HMX1: variants seen among roughly 807,000 people sequenced by gnomAD.
The protein encoded by HMX1 is homeobox protein HMX1.
HMX1 carries 8 observed loss-of-function variants against 8.9 expected under a neutral mutation model. The ratio of observed to expected loss-of-function variants is 0.90; its 90% CI spans 0.53 to 1.63. The LOEUF is 1.63. Among genes scored for constraint, HMX1 ranks in the 40% most tolerant of loss-of-function variants. HMX1 has a pLI of 0.00. For synonymous variants in HMX1, 311 were observed against 283.4 expected (o/e 1.10, Z -0.98); for missense variants, 621 against 558.5 (o/e 1.11, Z -1.13).
At chr4:8,859,481 G>T (rs1721724427) in intron 1 of HMX1, among the ~76,000 whole-genome samples, 1 of 152,126 alleles carries the variant, frequency 6.6e-6, no homozygotes, top group Non-Finnish European at 1.5e-5. Flanking sequence ...GGTGCAGCCT[G>T]GGGGCACAAG....
Position 8,871,812 on chromosome 4 carries a change from G to C in HMX1, c.-198C>G, listed in dbSNP as rs1722237776. The C allele has an allele frequency of 9.5e-6, 6 of 634,214 alleles. No individual in the cohort carries two copies. The highest frequency in any genetic ancestry group is 1.2e-5 in the Non-Finnish European group (6 of 508,386). The allele number at this position is 634,214 out of a possible 1,614,324, so 39.3% of individuals were successfully genotyped here. ...CGGGAGCGAGTGCGCGCCGACAGCT[G>C]ATCGGGCAGCCGCCTGGCTCGCCTT... On this transcript the variant is annotated 5_prime_UTR_variant, in exon 1 of 2. In the 5' UTR this introduces an upstream ATG that the reference lacks. Transcript: ENST00000400677. The surrounding 1 kb of genome is among the most constrained non-coding windows in gnomAD (Gnocchi z 4.8).
chr4:8,861,712 G>T (rs1044472282), intron 1 of HMX1, among the ~76,000 whole-genome samples: 12 of 151,300 alleles, frequency 7.9e-5, no homozygotes, highest in African/African-American at 2.7e-4. Flanking sequence ...CTGGGGCGCC[G>T]TCGTTCCAGG....
Position 8,868,284 on chromosome 4 carries a change from C to G in HMX1, c.456G>C (p.Pro152=), listed in dbSNP as rs868328464. 1 of 1,440,660 alleles carries G rather than the reference C, an allele frequency of 6.9e-7. No individual in the cohort carries two copies. Among genetic ancestry groups the G allele is most frequent in the East Asian group, 3.0e-5 (1 of 33,010 alleles). The allele number at this position is 1,440,660 out of a possible 1,614,324, so 89.2% of individuals were successfully genotyped here. A position where few individuals can be genotyped will look rare whatever the true frequency, so the allele number is the denominator to read the frequency against. The stretch of plus-strand genomic sequence containing the variant: ...GCACCGCTCCCGGCCCGGGGCCTCG[C>G]GGCCAGGCGCCCTCCGCACGGCCCA... ...EEMGRAEGAW[P]RGPGPGAVQR... is the part of the protein sequence containing the mutation. Residue 152 remains proline, a synonymous_variant, in exon 2 of 2, where the codon CCG becomes CCC. Coordinates refer to ENST00000400677, the MANE Select transcript of HMX1 (RefSeq NM_018942.3). The surrounding 1 kb of genome is among the most constrained non-coding windows in gnomAD (Gnocchi z 4.6).
chr4:8,861,555 G>C (rs1257252062), intron 1 of HMX1, among the ~76,000 whole-genome samples: 1 of 152,220 alleles, frequency 6.6e-6, no homozygotes, highest in Non-Finnish European at 1.5e-5. Context: ...GGGACGAGCA[G>C]AGGAGCATCG....
chr4:8,858,224 C>T (rs532172595), intron 1 of HMX1, among the ~76,000 whole-genome samples: 4 of 152,206 alleles, frequency 2.6e-5, no homozygotes, highest in South Asian at 2.1e-4. Context: ...GCTGCGGTTA[C>T]GCGCGCGGAG....
chr4:8,857,871 G>A (rs1164967673), intron 1 of HMX1, among the ~76,000 whole-genome samples: 1 of 152,130 alleles, frequency 6.6e-6, no homozygotes, highest in Admixed American at 6.5e-5. Flanking sequence ...CACACGCGCC[G>A]TGCCGAGCCC....
Position 8,867,767 on chromosome 4 carries a change from C to T in HMX1, c.973G>A (p.Ala325Thr), listed in dbSNP as rs1246360166. The change falls in exon 2 of 2, where the codon GCC becomes ACC. Residue 325 changes from alanine to threonine, a missense_variant. Coordinates refer to ENST00000400677, the MANE Select transcript of HMX1 (RefSeq NM_018942.3). ...GCCGGGAAGGCGGCCAGCGGGTAGG[C>T]GAGGGCCCCGGAGAAGCCGAGCAGC... The part of the protein sequence containing the change: ...PPLLGFSGAL[A>T]YPLAAFPAAA... The T allele has an allele frequency of 9.4e-6, 12 of 1,278,084 alleles. No individual in the cohort carries two copies. The South Asian group carries it at 1.7e-4, about 18-fold the overall frequency. The allele number at this position is 1,278,084 out of a possible 1,614,324, so 79.2% of individuals were successfully genotyped here.
chr4:8,866,518 C>G (rs1338793548), downstream of HMX1, among the ~76,000 whole-genome samples: 1 of 152,236 alleles, frequency 6.6e-6, no homozygotes, highest in African/African-American at 2.4e-5. Context: ...TCCTTCAGAT[C>G]CCATCATCAC....
At chr4:8,856,945 G>A (rs1055551953) in intron 1 of HMX1, among the ~76,000 whole-genome samples, 13 of 152,102 alleles carry the variant, frequency 8.5e-5, no homozygotes, top group African/African-American at 2.4e-4. Context: ...AATTAGCCGG[G>A]CGTGGTGGCC....
In HMX1 at chr4:8,867,674, A is replaced by T; in HGVS notation, c.*19T>A. On this transcript the variant is annotated 3_prime_UTR_variant, in exon 2 of 2. Transcript: ENST00000400677. ...CACAGGTCCACAGGGTCGTGGGGAGAGGGCCCGGCAGGCGGGGCTCACACC... is the reference window on the plus strand; with the variant it reads ...CACAGGTCCACAGGGTCGTGGGGAGTGGGCCCGGCAGGCGGGGCTCACACC... 8.1e-7 allele frequency: 1 copy of T among 1,239,510 alleles called. No individual in the cohort carries two copies. Among genetic ancestry groups the T allele is most frequent in the Non-Finnish European group, 1.0e-6 (1 of 992,392 alleles). 76.8% of individuals were successfully genotyped at this position (1,239,510 alleles called of 1,614,324 possible). A position where few individuals can be genotyped will look rare whatever the true frequency, so the allele number is the denominator to read the frequency against.
At chr4:8,846,169 A>C in exon 2 of HMX1, 1 of 1,204,700 alleles carries the variant, frequency 8.3e-7, no homozygotes, top group Non-Finnish European at 1.2e-6. Flanking sequence ...CAGGCTGACA[A>C]AGGCTCCACC....
chr4:8,856,655 C>T (rs1311516120), intron 1 of HMX1, among the ~76,000 whole-genome samples: 3 of 152,192 alleles, frequency 2.0e-5, no homozygotes, highest in Non-Finnish European at 2.9e-5. Context: ...GTGCTTTTCT[C>T]CCTAAGTACA....
Position 8,867,160 on chromosome 4 carries a change from C to T in HMX1, c.*533G>A, listed in dbSNP as rs1722024276. On this transcript the variant is annotated 3_prime_UTR_variant, in exon 2 of 2. Transcript: ENST00000400677. ...AGCCCCAGCCTGCCTGCTCCTGGAA[C>T]GGACGATGGGACCCACAGGTCCAGG... The T allele has an allele frequency of 3.0e-6, 3 of 985,466 alleles. No homozygotes were observed. Among genetic ancestry groups the T allele is most frequent in the Admixed American group, 1.2e-4 (2 of 16,276 alleles). The allele number at this position is 985,466 out of a possible 1,614,324, so 61.0% of individuals were successfully genotyped here.
intron 1 of HMX1, among the ~76,000 whole-genome samples, chr4:8,856,813 G>A (rs1466285729): frequency 3.9e-5 from 6 of 152,206 alleles, no homozygotes; most frequent in Non-Finnish European, 7.3e-5. Flanking sequence ...CTCTGGTCGG[G>A]CGCAGTGGCT....
chr4:8,869,989 A>G (rs1489212406), intron 1 of HMX1, among the ~76,000 whole-genome samples: 1 of 151,998 alleles, frequency 6.6e-6, no homozygotes, highest in African/African-American at 2.4e-5. Context: ...GCTCAAGTCT[A>G]CGTGAAGGGG....
intron 1 of HMX1, among the ~76,000 whole-genome samples, chr4:8,854,019 C>T (rs578062038): frequency 6.6e-6 from 1 of 152,232 alleles, no homozygotes; most frequent in Non-Finnish European, 1.5e-5. Context: ...CATGGCCCTG[C>T]CCTGCCATCC....
At chr4:8,861,855 G>A (rs1721837211) in intron 1 of HMX1, among the ~76,000 whole-genome samples, 1 of 152,262 alleles carries the variant, frequency 6.6e-6, no homozygotes, top group South Asian at 2.1e-4. Flanking sequence ...AGTGCGTCAA[G>A]GAAGTGCCCG....
At position 8,870,408 on chromosome 4, in the gene HMX1, CCCCCAG is replaced by C. The variant is rs1474074288; in HGVS notation, c.394+807_394+812del. On this transcript the variant is annotated intron_variant, in intron 1 of 1. Coordinates refer to ENST00000400677, the MANE Select transcript of HMX1 (RefSeq NM_018942.3). The surrounding 1 kb of genome is among the most constrained non-coding windows in gnomAD (Gnocchi z 4.4). ...GGCAAAGGGGTTCTGGGGTTGAGAA[CCCCCAG>C]CCCCAGTCTCAAGCCCTCAGCAGGG... Among the ~76,000 whole-genome samples the C allele has an allele frequency of 1.3e-5, 2 of 152,030 alleles. No individual in the cohort carries two copies. The highest frequency in any genetic ancestry group is 4.8e-5 in the African/African-American group (2 of 41,400).
rs551518998 is a variant in HMX1 at position 8,868,374 on chromosome 4, G to A, written c.395-29C>T. 2.5e-5 allele frequency: 33 copies of A among 1,343,504 alleles called. No homozygotes were observed. In the African/African-American group the frequency reaches 4.6e-4, roughly 19 times the overall value. 83.2% of individuals were successfully genotyped at this position (1,343,504 alleles called of 1,614,324 possible). On this transcript the variant is annotated intron_variant, in intron 1 of 1. Transcript: ENST00000400677. The surrounding 1 kb of genome is among the most constrained non-coding windows in gnomAD (Gnocchi z 4.6). ...CAGGGGAGAGAGGGCACCACCGTTG[G>A]TTCTAGGGCACTGATTACCAGACTC...
Sources: gnomAD v4.1 joint callset for allele counts (sites outside exome capture counted in the v4.1 genomes callset) on GRCh38, gnomAD v4.1.1 for gene constraint, Gnocchi (gnomAD v3.1) non-coding constraint, MANE v1.5 for transcripts, NCBI Gene and HGNC (gene_info 2026-07-23, HGNC 2026-07-21) for gene names.